Variants in COL5A3 observed in about 807,000 individuals in gnomAD.
COL5A3 encodes collagen type V alpha 3 chain.
A neutral mutation model predicts 250.0 loss-of-function variants in COL5A3; 172 were observed. That is an observed-to-expected ratio of 0.69 (90% CI 0.61 to 0.78). The LOEUF is 0.78. Ranked by LOEUF, COL5A3 falls within the 30% of genes least tolerant of loss-of-function variation. The probability of loss-of-function intolerance (pLI) is 0.00; values close to 1 mark genes in which losing one functional copy is unlikely to be tolerated. For missense variants in COL5A3, 2,340 were observed against 2,334.4 expected (o/e 1.00, Z -0.05); for synonymous variants, 937 against 900.4 (o/e 1.04, Z -0.73).
At chr19:9,961,366 C>T (rs888474434) in intron 65 of COL5A3, among the ~76,000 whole-genome samples, 4 of 151,392 alleles carry the variant, frequency 2.6e-5, no homozygotes, top group South Asian at 2.1e-4. Flanking sequence ...AATTTTTTTT[C>T]CTTTTTTGGG....
At chr19:9,973,181 C>T (rs888097378) in intron 50 of COL5A3, among the ~76,000 whole-genome samples, 155 bp from the exon 51 acceptor site, 14 of 152,158 alleles carry the variant, frequency 9.2e-5, no homozygotes, top group African/African-American at 3.4e-4. Context: ...TCAGAAGGAG[C>T]TAGGACTTAA....
At chr19:9,977,325 C>T in intron 43 of COL5A3, 40 bp downstream of exon 43, 3 of 1,613,414 alleles carry the variant, frequency 1.9e-6, no homozygotes, top group Non-Finnish European at 2.5e-6. Flanking sequence ...CCATTCACCC[C>T]CATCCTCCCC....
rs1481017576 is a variant in COL5A3 at position 9,993,055 on chromosome 19, G to T, written c.1762C>A (p.Pro588Thr). 1 of 1,613,944 alleles carries T rather than the reference G, an allele frequency of 6.2e-7. No homozygotes were observed. Among genetic ancestry groups the T allele is most frequent in the Admixed American group, 1.7e-5 (1 of 59,982 alleles). The stretch of plus-strand genomic sequence containing the variant: ...CCAGCCTGGCCAGTGGGCCCTGGAG[G>T]TCCCTCTGCTCCCTGTGGAAAAGCG... ...GEDGERGAEG[P>T]PGPTGQAGEP... Residue 588 changes from proline (P) to threonine (T), a missense_variant, in exon 20 of 67, where the codon CCT becomes ACT. Pro to Thr is a conservative substitution (Grantham distance 38). Around this residue, in one of 3 missense-constraint regions of COL5A3, gnomAD observed 1,152 missense variants for 1,146.3 expected, o/e 1.00. Transcript: ENST00000264828.
Position 9,979,849 on chromosome 19 carries a change from C to A in COL5A3, c.2702G>T (p.Arg901Ile). 1 of 1,582,604 alleles carries A rather than the reference C, an allele frequency of 6.3e-7. No homozygotes were observed. The highest frequency in any genetic ancestry group is 8.5e-7 in the Non-Finnish European group (1 of 1,171,146). Residue 901 changes from arginine to isoleucine, a missense_variant, in exon 37 of 67, where the codon AGA becomes ATA. Arg to Ile is a moderately conservative substitution (Grantham distance 97). Transcript: ENST00000264828. ...TGAGGGGTTACTCACCAGTTCTCCT[C>A]TCTGTCCAGGGTGCCCTGGTCGCCC... ...KDGRPGHPGQ[R>I]GELGFQGQTG...
intron 11 of COL5A3, 173 bp downstream of exon 11, chr19:9,997,198 G>A (rs1229053213): frequency 3.0e-6 from 2 of 655,958 alleles, no homozygotes; most frequent in Non-Finnish European, 5.5e-6. Flanking sequence ...AGCAACACAA[G>A]GTGAACCAGA....
In COL5A3 at chr19:9,977,287, A is replaced by C; in HGVS notation, c.3235-5T>G. 6.2e-7 allele frequency: 1 copy of C among 1,613,948 alleles called. No individual in the cohort carries two copies. The highest frequency in any genetic ancestry group is 8.5e-7 in the Non-Finnish European group (1 of 1,179,938). On this transcript the variant is annotated splice_polypyrimidine_tract_variant and splice_region_variant and intron_variant, in intron 43 of 66. Transcript: ENST00000264828. Reference sequence around the variant, plus strand: ...TCCGGGGGCACCCACATCCCCCTGCAGAGGAAATGGGATGAAGGACCCAGC... The same window carrying C: ...TCCGGGGGCACCCACATCCCCCTGCCGAGGAAATGGGATGAAGGACCCAGC...
chr19:9,986,778 A>G lies in COL5A3; in HGVS notation c.2146-20T>C. On this transcript the variant is annotated intron_variant, in intron 27 of 66. Coordinates refer to ENST00000264828, the MANE Select transcript of COL5A3 (RefSeq NM_015719.4). ...AGTGCCCTGGAAAATAAAAAAAAAA[A>G]GCTCTCAAGCCTCTTCCCTGCTTAA... 5 of 1,610,286 alleles carry G rather than the reference A, an allele frequency of 3.1e-6. No individual in the cohort carries two copies. Among genetic ancestry groups the G allele is most frequent in the Admixed American group, 1.7e-5 (1 of 59,746 alleles).
intron 54 of COL5A3, among the ~76,000 whole-genome samples, 171 bp downstream of exon 54, chr19:9,970,451 G>A (rs574619970): frequency 0.027 from 2,286 of 84,720 alleles, 164 homozygotes; most frequent in South Asian, 0.096. Flanking sequence ...TGGGTGAGTG[G>A]GGTCTGTGGG....
intron 54 of COL5A3, among the ~76,000 whole-genome samples, chr19:9,970,205 G>T (rs111219942): frequency 1.9e-5 from 1 of 53,986 alleles, no homozygotes; most frequent in Non-Finnish European, 4.1e-5. Flanking sequence ...TGGGTGAGTG[G>T]GGGCTGTGGG....
Position 9,978,640 on chromosome 19 carries a change from A to T in COL5A3, c.2965-13T>A, listed in dbSNP as rs747974146. ...AGCCAGTAGGTCCCTGAAGGAGGAGATAATTCACAGTTAAGAGACTCCCAA... is the reference window on the plus strand; with the variant it reads ...AGCCAGTAGGTCCCTGAAGGAGGAGTTAATTCACAGTTAAGAGACTCCCAA... On this transcript the variant is annotated splice_polypyrimidine_tract_variant and intron_variant, in intron 40 of 66. Transcript: ENST00000264828. The T allele has an allele frequency of 6.5e-7, 1 of 1,543,852 alleles. No homozygotes were observed. The highest frequency in any genetic ancestry group is 1.4e-5 in the African/African-American group (1 of 71,324).
At position 9,967,333 on chromosome 19, in the gene COL5A3, C is replaced by T; in HGVS notation, c.4458+14G>A. 2.1e-6 allele frequency: 3 copies of T among 1,425,404 alleles called. No individual in the cohort carries two copies. Among genetic ancestry groups the T allele is most frequent in the Non-Finnish European group, 1.8e-6 (2 of 1,094,094 alleles). The allele number at this position is 1,425,404 out of a possible 1,614,324, so 88.3% of individuals were successfully genotyped here. A position where few individuals can be genotyped will look rare whatever the true frequency, so the allele number is the denominator to read the frequency against. On this transcript the variant is annotated intron_variant, in intron 62 of 66. Transcript: ENST00000264828. Reference sequence around the variant, plus strand: ...GGTTTTGGTGTCCATTCCCCCGCCCCCCGGGGAACTCACCGGGGGGCCTGG... The same window carrying T: ...GGTTTTGGTGTCCATTCCCCCGCCCTCCGGGGAACTCACCGGGGGGCCTGG...
chr19:9,996,301 A>C, intron 13 of COL5A3, 39 bp from the exon 14 acceptor site: 1 of 1,547,936 alleles, frequency 6.5e-7, no homozygotes, highest in Non-Finnish European at 8.7e-7. Flanking sequence ...GGCCTCCCAC[A>C]AGACCCCCAA....
Position 9,965,731 on chromosome 19 carries a change from G to A in COL5A3, c.4782+583C>T, listed in dbSNP as rs563382329. On this transcript the variant is annotated intron_variant, in intron 64 of 66. Coordinates refer to ENST00000264828, the MANE Select transcript of COL5A3 (RefSeq NM_015719.4). Reference sequence around the variant, plus strand: ...GGCCTCCCAAAGTGCTGGGATTACAGGCGTGAGCTACCACATCCAGCCTAT... The same window carrying A: ...GGCCTCCCAAAGTGCTGGGATTACAAGCGTGAGCTACCACATCCAGCCTAT... 1.3e-5 allele frequency among the ~76,000 whole-genome samples: 2 copies of A among 152,358 alleles called. 1 individual carries two copies. The highest frequency in any genetic ancestry group is 4.1e-4 in the South Asian group (2 of 4,820).
rs372988332 is a variant in COL5A3, at chr19:9,989,214, T to C, written c.2092-37A>G. On this transcript the variant is annotated intron_variant, in intron 26 of 66. Coordinates refer to ENST00000264828, the MANE Select transcript of COL5A3 (RefSeq NM_015719.4). ...ATAAGGTCAGTGCCATTCTAGACAG[T>C]CCCTTCCACATTCTAAGAGCCCTCA... 27 of 1,613,282 alleles carry C rather than the reference T, an allele frequency of 1.7e-5. No homozygotes were observed. The African/African-American group carries it at 3.2e-4, about 19-fold the overall frequency.
In COL5A3 at chr19:9,978,573, C is replaced by A; in HGVS notation, c.3018+1G>T. Reference sequence around the variant, plus strand: ...CACCCAGCACATGGGGTTATACTTACATTGGCCCCCACGGGCCCTGGGGGG... The same window carrying A: ...CACCCAGCACATGGGGTTATACTTAAATTGGCCCCCACGGGCCCTGGGGGG... On this transcript the variant is annotated splice_donor_variant, in intron 41 of 66. Coordinates refer to ENST00000264828, the MANE Select transcript of COL5A3 (RefSeq NM_015719.4). LOFTEE classifies it high-confidence loss of function. 6.3e-7 allele frequency: 1 copy of A among 1,578,476 alleles called. No homozygotes were observed. Among genetic ancestry groups the A allele is most frequent in the South Asian group, 1.1e-5 (1 of 88,350 alleles).
Position 9,968,302 on chromosome 19 carries a change from C to G in COL5A3, c.4314+83G>C. 2 of 1,217,132 alleles carry G rather than the reference C, an allele frequency of 1.6e-6. No homozygotes were observed. Among genetic ancestry groups the G allele is most frequent in the South Asian group, 1.3e-5 (1 of 76,100 alleles). The allele number at this position is 1,217,132 out of a possible 1,614,324, so 75.4% of individuals were successfully genotyped here. ...ACACACCCTCATTAATCCAGACCCA[C>G]GTTTCCCAGACCCCACACCCACAGT... On this transcript the variant is annotated intron_variant, in intron 59 of 66. Transcript: ENST00000264828. This position sits in a 1 kb window ranked among gnomAD's most constrained non-coding sequence, Gnocchi z 4.1.
At chr19:9,966,491 C>A (rs1176341146) in intron 63 of COL5A3, 45 bp downstream of exon 63, 1 of 1,555,870 alleles carries the variant, frequency 6.4e-7, no homozygotes, top group African/African-American at 1.4e-5. Flanking sequence ...ACCCCCCCCA[C>A]ACCCCCACTC....
rs758555932 is a variant in COL5A3, at chr19:9,959,647, C to T, written c.*764G>A. ...GGGGGCCAGGCTTGGGCTGGAATCT[C>T]TCATCATATCCCAGCCTTCCCTAAG... is the stretch of plus-strand genomic sequence containing the variant. On this transcript the variant is annotated 3_prime_UTR_variant, in exon 67 of 67. Transcript: ENST00000264828. 2 of 152,584 alleles carry T rather than the reference C, an allele frequency of 1.3e-5. No homozygotes were observed. The highest frequency in any genetic ancestry group is 2.4e-5 in the African/African-American group (1 of 41,412). The allele number at this position is 152,584 out of a possible 1,614,324, so 9.5% of individuals were successfully genotyped here. A position where few individuals can be genotyped will look rare whatever the true frequency, so the allele number is the denominator to read the frequency against.
rs571460759 is a variant in COL5A3, at chr19:9,977,466, G to A, written c.3133C>T (p.Arg1045Cys). 4.8e-5 allele frequency: 73 copies of A among 1,517,072 alleles called. 1 individual carries two copies. Among genetic ancestry groups the A allele is most frequent in the South Asian group, 4.8e-4 (36 of 75,158 alleles). The allele number at this position is 1,517,072 out of a possible 1,614,324, so 94.0% of individuals were successfully genotyped here. Reference protein sequence around the residue: ...PAGKKGSRGERGPPGPTGKDG... With the variant: ...PAGKKGSRGECGPPGPTGKDG... Reference sequence around the variant, plus strand: ...TTGCCAGTGGGGCCAGGGGGGCCACGTTCTCCCTGTTGTGGGGAATGGAAA... The same window carrying A: ...TTGCCAGTGGGGCCAGGGGGGCCACATTCTCCCTGTTGTGGGGAATGGAAA... Residue 1045 changes from arginine to cysteine, a missense_variant, in exon 43 of 67, where the codon CGT becomes TGT. By Grantham distance (180) the Arg-to-Cys change is radical. Around this residue, in one of 3 missense-constraint regions of COL5A3, gnomAD observed 1,179 missense variants for 1,162.6 expected, o/e 1.01. Coordinates refer to ENST00000264828, the MANE Select transcript of COL5A3 (RefSeq NM_015719.4).
Sources: allele counts gnomAD v4.1 joint callset (sites outside exome capture counted in the v4.1 genomes callset), GRCh38; gene constraint gnomAD v4.1.1; regional missense constraint gnomAD v4.1.1; non-coding constraint Gnocchi (gnomAD v3.1); transcripts MANE v1.5; gene names NCBI Gene and HGNC (gene_info 2026-07-23, HGNC 2026-07-21).